The following BBS9 variants were observed in gnomAD, a reference collection of about 807,000 sequenced individuals.
BBS9 encodes protein PTHB1.
Under a neutral mutation model 117.7 loss-of-function variants are expected in BBS9, and 89 were observed. The ratio of observed to expected loss-of-function variants is 0.76; its 90% CI spans 0.64 to 0.90. The LOEUF is 0.90. BBS9 is among the 40% of genes least tolerant of loss of function. BBS9 has a pLI of 0.00. For missense variants in BBS9, 982 were observed against 1,042.2 expected, an observed-to-expected ratio of 0.94 and a Z score of 0.80; for synonymous variants, 379 against 370.9, an observed-to-expected ratio of 1.02 and a Z score of -0.25.
At chr7:33,199,447 G>T (rs1785472777) in intron 5 of BBS9, among the ~76,000 whole-genome samples, 1 of 151,768 alleles carries the variant, frequency 6.6e-6, no homozygotes, top group Non-Finnish European at 1.5e-5. Flanking sequence ...GCTTTTAAAG[G>T]CTAATATATC....
At chr7:33,228,381 TA>T (rs1791697396) in intron 5 of BBS9, among the ~76,000 whole-genome samples, 2 of 152,152 alleles carry the variant, frequency 1.3e-5, no homozygotes, top group African/African-American at 4.8e-5. Flanking sequence ...TAAAAATCCT[TA>T]ACAGCTAGAT....
At chr7:33,174,474 G>A (rs116439943) in intron 4 of BBS9, among the ~76,000 whole-genome samples, 341 of 152,326 alleles carry the variant, frequency 2.2e-3, no homozygotes, top group African/African-American at 8.1e-3. Flanking sequence ...CATAGTAGAA[G>A]ATTTATAGAC....
At chr7:33,540,612 C>T (rs976659444) in intron 21 of BBS9, among the ~76,000 whole-genome samples, 3 of 152,130 alleles carry the variant, frequency 2.0e-5, no homozygotes, top group Non-Finnish European at 2.9e-5. Context: ...AAAGAACCAA[C>T]AGGAAAACAA....
intron 5 of BBS9, among the ~76,000 whole-genome samples, chr7:33,238,641 A>G (rs966848542): frequency 6.6e-6 from 1 of 152,132 alleles, no homozygotes; most frequent in Non-Finnish European, 1.5e-5. Flanking sequence ...AGAAAACTTC[A>G]TATGAAGTTT....
chr7:33,438,920 G>A (rs1835707888), intron 19 of BBS9, among the ~76,000 whole-genome samples: 1 of 152,180 alleles, frequency 6.6e-6, no homozygotes, highest in Non-Finnish European at 1.5e-5. Context: ...TGATGAAGGA[G>A]TCTCTTACAA....
chr7:33,561,914 G>T (rs952526646), intron 21 of BBS9, among the ~76,000 whole-genome samples: 6 of 152,146 alleles, frequency 3.9e-5, no homozygotes, highest in African/African-American at 1.4e-4. Context: ...TTGATTCAAA[G>T]ATATTACATA....
chr7:33,229,469 A>G (rs1490693220), intron 5 of BBS9, among the ~76,000 whole-genome samples: 4 of 152,096 alleles, frequency 2.6e-5, no homozygotes, highest in Admixed American at 6.6e-5. Context: ...CATTCTGCAT[A>G]TAAGTGAGAA....
chr7:33,215,903 A>G (rs1478683584), intron 5 of BBS9, among the ~76,000 whole-genome samples: 1 of 152,202 alleles, frequency 6.6e-6, no homozygotes, highest in Non-Finnish European at 1.5e-5. Flanking sequence ...TTGTACTTAG[A>G]TTTTTACTCT....
intron 19 of BBS9, among the ~76,000 whole-genome samples, chr7:33,418,562 C>T (rs1832369506): frequency 6.6e-6 from 1 of 152,158 alleles, no homozygotes; most frequent in Non-Finnish European, 1.5e-5. Flanking sequence ...GCCCCATGCC[C>T]TGTGGTTATT....
chr7:33,310,853 A>G (rs2128551773), intron 9 of BBS9, among the ~76,000 whole-genome samples: 1 of 152,314 alleles, frequency 6.6e-6, no homozygotes, highest in Non-Finnish European at 1.5e-5. Context: ...CCCCTTCTCT[A>G]TGCCAGCCAC....
intron 6 of BBS9, among the ~76,000 whole-genome samples, chr7:33,260,275 T>G (rs768150250): frequency 1.3e-5 from 2 of 152,224 alleles, no homozygotes; most frequent in Non-Finnish European, 2.9e-5. Context: ...GTGCTAGGAT[T>G]ACATGCATGA....
At chr7:33,544,731 G>T (rs931639842) in intron 21 of BBS9, among the ~76,000 whole-genome samples, 7 of 152,204 alleles carry the variant, frequency 4.6e-5, no homozygotes, top group African/African-American at 1.7e-4. Flanking sequence ...AGAGGGACCG[G>T]CAGTGGGTGG....
intron 21 of BBS9, among the ~76,000 whole-genome samples, chr7:33,567,437 G>A (rs1192650610): frequency 1.3e-5 from 2 of 152,040 alleles, no homozygotes; most frequent in African/African-American, 4.8e-5. Context: ...TGCTGCTGAC[G>A]ATTTTCTCCT....
At chr7:33,396,224 T>C (rs1827934520) in intron 19 of BBS9, among the ~76,000 whole-genome samples, 1 of 152,168 alleles carries the variant, frequency 6.6e-6, no homozygotes, top group African/African-American at 2.4e-5. Flanking sequence ...TATTCATTTA[T>C]ATTATTAATT....
At chr7:33,587,683 T>C (rs1439988889) in intron 21 of BBS9, among the ~76,000 whole-genome samples, 3 of 152,084 alleles carry the variant, frequency 2.0e-5, no homozygotes, top group Non-Finnish European at 4.4e-5. Context: ...ACCTGACTTT[T>C]TATTGCCAAA....
At chr7:33,230,509 G>A (rs528618765) in intron 5 of BBS9, among the ~76,000 whole-genome samples, 1 of 152,286 alleles carries the variant, frequency 6.6e-6, no homozygotes, top group East Asian at 1.9e-4. Context: ...GGATTTTAGT[G>A]TACCCTTTAC....
intron 19 of BBS9, among the ~76,000 whole-genome samples, chr7:33,406,417 G>A (rs1207133124): frequency 6.6e-6 from 1 of 152,038 alleles, no homozygotes; most frequent in Non-Finnish European, 1.5e-5. Context: ...TTTAATTGGA[G>A]CATTTAGTCC....
chr7:33,610,402 A>C (rs916868881), downstream of BBS9, among the ~76,000 whole-genome samples: 13 of 152,240 alleles, frequency 8.5e-5, no homozygotes, highest in Non-Finnish European at 1.5e-4. Flanking sequence ...AGGCACCAGA[A>C]GGTTTGGTAT....
At chr7:33,495,713 GA>G (rs1399852415) in intron 19 of BBS9, among the ~76,000 whole-genome samples, 4 of 151,598 alleles carry the variant, frequency 2.6e-5, no homozygotes, top group East Asian at 1.9e-4. Context: ...CAGCCAGGGG[GA>G]AAAAAAGGTA....
Sources: gnomAD v4.1 joint callset for allele counts (sites outside exome capture counted in the v4.1 genomes callset) on GRCh38, gnomAD v4.1.1 for gene constraint, MANE v1.5 for transcripts, NCBI Gene and HGNC (gene_info 2026-07-23, HGNC 2026-07-21) for gene names.